COL23A1: variants seen among roughly 807,000 people sequenced by gnomAD.
COL23A1 encodes collagen alpha-1(XXIII) chain.
In COL23A1, 97 loss-of-function variants were observed where a neutral mutation model predicts 99.3. That is an observed-to-expected ratio of 0.98 (90% CI 0.83 to 1.16). COL23A1 has a LOEUF of 1.16. Ranked by LOEUF, COL23A1 falls within the 50% of genes most tolerant of loss-of-function variation. The probability of loss-of-function intolerance (pLI) is 0.00; values close to 1 mark genes in which losing one functional copy is unlikely to be tolerated. For synonymous variants in COL23A1, 320 were observed against 308.2 expected, an observed-to-expected ratio of 1.04 and a Z score of -0.40; for missense variants, 762 against 757.4, an observed-to-expected ratio of 1.01 and a Z score of -0.07.
chr5:178,493,953 T>C (rs551097952), intron 2 of COL23A1, among the ~76,000 whole-genome samples: 22 of 152,300 alleles, frequency 1.4e-4, no homozygotes, highest in African/African-American at 5.1e-4. Context: ...GAACAGACTT[T>C]TATTAGGTAT....
chr5:178,391,676 G>C (rs944951031), intron 2 of COL23A1, among the ~76,000 whole-genome samples: 2 of 152,180 alleles, frequency 1.3e-5, no homozygotes, highest in African/African-American at 4.8e-5. Flanking sequence ...AGTCTGGCAG[G>C]TGCTCAAATG....
At chr5:178,497,135 T>C (rs1215040094) in intron 2 of COL23A1, among the ~76,000 whole-genome samples, 1 of 152,146 alleles carries the variant, frequency 6.6e-6, no homozygotes, top group Non-Finnish European at 1.5e-5. Flanking sequence ...TCAGTACTGC[T>C]ACCAAAAGAA....
rs773882724 is a variant in COL23A1 at position 178,340,895 on chromosome 5, C to T, written c.362-33976G>A. On this transcript the variant is annotated intron_variant, in intron 2 of 28. Transcript: ENST00000390654. The surrounding 1 kb of genome is among the most constrained non-coding windows in gnomAD (Gnocchi z 4.7). ...ATGGCTGATGTGCATGGGCGCGGGG[C>T]TCAAGGTCAGACCCCGCAGGGGTGG... Among the ~76,000 whole-genome samples, 7 of 152,224 alleles carry T rather than the reference C, an allele frequency of 4.6e-5. No homozygotes were observed. Among genetic ancestry groups the T allele is most frequent in the Non-Finnish European group, 8.8e-5 (6 of 68,050 alleles).
intron 2 of COL23A1, among the ~76,000 whole-genome samples, chr5:178,382,503 G>C (rs907442270): frequency 2.4e-4 from 36 of 152,306 alleles, no homozygotes; most frequent in African/African-American, 6.7e-4. Flanking sequence ...GAGAGACCTG[G>C]AGGAGGCGGG....
intron 2 of COL23A1, among the ~76,000 whole-genome samples, chr5:178,529,484 G>A (rs1378404381): frequency 2.0e-5 from 3 of 152,118 alleles, no homozygotes; most frequent in Admixed American, 1.3e-4. Flanking sequence ...CTTCAGTCCT[G>A]GCACCCAGTG....
chr5:178,358,509 GTGTA>G (rs1344751096), intron 2 of COL23A1, among the ~76,000 whole-genome samples: 12 of 144,466 alleles, frequency 8.3e-5, no homozygotes, highest in Non-Finnish European at 1.7e-4. Flanking sequence ...GTGTATATGT[GTGTA>G]TGTGTGTATG....
chr5:178,520,453 C>T (rs1440362793), intron 2 of COL23A1, among the ~76,000 whole-genome samples: 1 of 152,196 alleles, frequency 6.6e-6, no homozygotes, highest in Non-Finnish European at 1.5e-5. Context: ...AGGACAAAAG[C>T]TAGGCCATTT....
chr5:178,546,896 A>C (rs917856084), intron 2 of COL23A1, among the ~76,000 whole-genome samples: 1 of 152,162 alleles, frequency 6.6e-6, no homozygotes, highest in African/African-American at 2.4e-5. Context: ...GCTGTGGGGC[A>C]GCACAAGGGG....
chr5:178,520,559 C>T (rs1300470560), intron 2 of COL23A1, among the ~76,000 whole-genome samples: 2 of 152,142 alleles, frequency 1.3e-5, no homozygotes, highest in Non-Finnish European at 2.9e-5. Context: ...GTTGCCCCAT[C>T]CATGATCAAT....
chr5:178,264,057 G>A (rs1349604678), intron 8 of COL23A1, among the ~76,000 whole-genome samples: 1 of 152,176 alleles, frequency 6.6e-6, no homozygotes, highest in Non-Finnish European at 1.5e-5. Context: ...TAGGGATGGG[G>A]GGATGAAGGT....
Position 178,428,969 on chromosome 5 carries a change from C to T in COL23A1, c.362-122050G>A, listed in dbSNP as rs1347784791. Among the ~76,000 whole-genome samples the T allele has an allele frequency of 6.6e-6, 1 of 152,122 alleles. No homozygotes were observed. Among genetic ancestry groups the T allele is most frequent in the Admixed American group, 6.5e-5 (1 of 15,282 alleles). On this transcript the variant is annotated intron_variant, in intron 2 of 28. Coordinates refer to ENST00000390654, the MANE Select transcript of COL23A1 (RefSeq NM_173465.4). This position sits in a 1 kb window ranked among gnomAD's most constrained non-coding sequence, Gnocchi z 5.0. Reference sequence around the variant, plus strand: ...CCGTGAGTGTCCTGAGACCCTACCACACCCCAGTGCTGCCCAGGCCCAGCA... The same window carrying T: ...CCGTGAGTGTCCTGAGACCCTACCATACCCCAGTGCTGCCCAGGCCCAGCA...
intron 2 of COL23A1, among the ~76,000 whole-genome samples, chr5:178,500,424 C>CAAAAAA (rs770679841): frequency 1.5e-5 from 1 of 65,670 alleles, no homozygotes; most frequent in Non-Finnish European, 2.9e-5. Context: ...CCCATCTCTA[C>CAAAAAA]AAAAAAAAAA....
chr5:178,266,961 C>T (rs1755937672), intron 8 of COL23A1, among the ~76,000 whole-genome samples: 1 of 152,266 alleles, frequency 6.6e-6, no homozygotes. Flanking sequence ...GAGCTTTGAG[C>T]TCAGTTCTGC....
At chr5:178,430,436 T>C (rs1430223598) in intron 2 of COL23A1, among the ~76,000 whole-genome samples, 1 of 152,082 alleles carries the variant, frequency 6.6e-6, no homozygotes, top group Non-Finnish European at 1.5e-5. Flanking sequence ...AAGGACACAA[T>C]GGGACGTGGG....
rs546736603 is a variant in COL23A1 at position 178,275,321 on chromosome 5, C to T, written c.442-4958G>A. 1.7e-3 allele frequency among the ~76,000 whole-genome samples: 259 copies of T among 152,322 alleles called. 1 individual carries two copies. Among genetic ancestry groups the T allele is most frequent in the Non-Finnish European group, 2.7e-3 (184 of 68,038 alleles). ...CTGGGGGACAGTGCTGGGAGCGACC[C>T]GTGTGTGGCCTTCCAAGAGGCCGGC... On this transcript the variant is annotated intron_variant, in intron 5 of 28. Transcript: ENST00000390654.
chr5:178,418,056 A>G lies in COL23A1; in HGVS notation c.362-111137T>C, dbSNP rs549417341. Among the ~76,000 whole-genome samples, 9 of 152,326 alleles carry G rather than the reference A, an allele frequency of 5.9e-5. No homozygotes were observed. The South Asian group carries it at 1.9e-3, about 32-fold the overall frequency. ...CAGAAGTCAGGCCTGTGGAGGACCC[A>G]GTGTCTGGAGGACTTGGCACTCATG... is the stretch of plus-strand genomic sequence containing the variant. On this transcript the variant is annotated intron_variant, in intron 2 of 28. Coordinates refer to ENST00000390654, the MANE Select transcript of COL23A1 (RefSeq NM_173465.4).
At chr5:178,335,964 G>C (rs977010464) in intron 2 of COL23A1, among the ~76,000 whole-genome samples, 6 of 152,218 alleles carry the variant, frequency 3.9e-5, no homozygotes, top group Non-Finnish European at 8.8e-5. Context: ...GCTTTTAGGT[G>C]GCTATGTTTG....
chr5:178,330,891 T>G (rs1042591087), intron 2 of COL23A1, among the ~76,000 whole-genome samples: 1 of 152,176 alleles, frequency 6.6e-6, no homozygotes, highest in Non-Finnish European at 1.5e-5. Flanking sequence ...AGGTCTCAGC[T>G]CAGTGTCACT....
intron 2 of COL23A1, among the ~76,000 whole-genome samples, chr5:178,547,009 GGGGCATCCTTCTGGGA>G (rs1761619185): frequency 6.6e-6 from 1 of 152,200 alleles, no homozygotes; most frequent in Non-Finnish European, 1.5e-5. Context: ...CCAAGCTTGG[GGGGCATCCTTCTGGGA>G]GCGCCTGGGT....
Sources: allele counts gnomAD v4.1 joint callset (sites outside exome capture counted in the v4.1 genomes callset), GRCh38; gene constraint gnomAD v4.1.1; non-coding constraint Gnocchi (gnomAD v3.1); transcripts MANE v1.5; gene names NCBI Gene and HGNC (gene_info 2026-07-23, HGNC 2026-07-21).